Variants in PKNOX2 observed in about 807,000 individuals in gnomAD.
The protein encoded by PKNOX2 is PBX/knotted 1 homeobox 2.
In PKNOX2, 14 loss-of-function variants were observed where a neutral mutation model predicts 53.1. That is an observed-to-expected ratio of 0.26 (90% CI 0.17 to 0.41). PKNOX2 has a LOEUF of 0.41. Among genes scored for constraint, PKNOX2 ranks in the 10% least tolerant of loss-of-function variants. PKNOX2 has a pLI of 1.00. For synonymous variants in PKNOX2, 257 were observed against 242.8 expected (o/e 1.06, Z -0.54); for missense variants, 496 against 602.8 (o/e 0.82, Z 1.85).
At chr11:125,245,265 G>A (rs568768679) in intron 2 of PKNOX2, among the ~76,000 whole-genome samples, 1 of 152,312 alleles carries the variant, frequency 6.6e-6, no homozygotes, top group Admixed American at 6.5e-5. Flanking sequence ...AGTCTAGGAG[G>A]CATCAGAGAA....
At chr11:125,397,762 A>C (rs1398921546) in intron 6 of PKNOX2, 112 bp from the exon 7 acceptor site, 1 of 1,102,914 alleles carries the variant, frequency 9.1e-7, no homozygotes, top group Non-Finnish European at 1.3e-6. Flanking sequence ...AGGAAGCATG[A>C]GCTACGGCAG....
Position 125,282,503 on chromosome 11 carries a change from G to C in PKNOX2, c.-130+47388G>C, listed in dbSNP as rs562126320. 1.9e-3 allele frequency among the ~76,000 whole-genome samples: 292 copies of C among 152,304 alleles called. 7 individuals carry two copies. Among genetic ancestry groups the C allele is most frequent in the Admixed American group, 0.019 (291 of 15,306 alleles). ...CAGATTGCTGGGCCCTCCCTCTGGGGTTTCTGATTCAATAGGTCTGAAACA... is the reference window on the plus strand; with the variant it reads ...CAGATTGCTGGGCCCTCCCTCTGGGCTTTCTGATTCAATAGGTCTGAAACA... On this transcript the variant is annotated intron_variant, in intron 2 of 12. Transcript: ENST00000298282.
At chr11:125,197,366 C>T (rs1937842398) in intron 1 of PKNOX2, among the ~76,000 whole-genome samples, 1 of 152,182 alleles carries the variant, frequency 6.6e-6, no homozygotes, top group African/African-American at 2.4e-5. Context: ...CCGGGACTGC[C>T]CACCCAGGTC....
At chr11:125,264,094 GC>G (rs893948232) in intron 2 of PKNOX2, among the ~76,000 whole-genome samples, 1 of 152,184 alleles carries the variant, frequency 6.6e-6, no homozygotes, top group African/African-American at 2.4e-5. Flanking sequence ...CTGAATCTGA[GC>G]AAGTTGGTGC....
At chr11:125,276,028 C>T (rs962014796) in intron 2 of PKNOX2, among the ~76,000 whole-genome samples, 2 of 152,042 alleles carry the variant, frequency 1.3e-5, no homozygotes, top group Non-Finnish European at 2.9e-5. Context: ...GGAGTGCTTG[C>T]GAAATACGGG....
intron 2 of PKNOX2, among the ~76,000 whole-genome samples, chr11:125,291,517 T>C (rs1252218935): frequency 1.3e-5 from 2 of 152,172 alleles, no homozygotes; most frequent in East Asian, 1.9e-4. Context: ...TTCCTCCAAA[T>C]TGAAACATAG....
intron 5 of PKNOX2, 81 bp from the exon 6 acceptor site, chr11:125,385,470 G>C: frequency 6.8e-7 from 1 of 1,462,648 alleles, no homozygotes; most frequent in Non-Finnish European, 9.1e-7. Flanking sequence ...AACGTGGGCA[G>C]GGGAGCCTGG....
chr11:125,354,219 A>G (rs1355569539), intron 4 of PKNOX2, among the ~76,000 whole-genome samples: 1 of 152,204 alleles, frequency 6.6e-6, no homozygotes, highest in Admixed American at 6.5e-5. Context: ...CATATCCCCA[A>G]GAACCAGCCG....
rs1471941397 is a variant in PKNOX2 at position 125,351,300 on chromosome 11, A to C, written c.-6A>C. On this transcript the variant is annotated 5_prime_UTR_variant, in exon 4 of 13. Transcript: ENST00000298282. ...TGCCCACAGGTCCTCCATGTGAATC[A>C]ATCCCATGATGCAACATGCCTCCCC... 1.3e-6 allele frequency: 2 copies of C among 1,592,456 alleles called. No homozygotes were observed. Among genetic ancestry groups the C allele is most frequent in the South Asian group, 2.2e-5 (2 of 89,400 alleles).
intron 3 of PKNOX2, among the ~76,000 whole-genome samples, chr11:125,349,142 G>A (rs1458552240): frequency 6.6e-6 from 1 of 152,130 alleles, no homozygotes; most frequent in Non-Finnish European, 1.5e-5. Context: ...TTTTGTCAGG[G>A]TCCAAAAAAG....
At chr11:125,281,814 T>G (rs1946577429) in intron 2 of PKNOX2, among the ~76,000 whole-genome samples, 1 of 152,204 alleles carries the variant, frequency 6.6e-6, no homozygotes, top group Non-Finnish European at 1.5e-5. Context: ...TCTTGAACTC[T>G]TAAGAAAAGC....
At chr11:125,283,279 A>T (rs1946690261) in intron 2 of PKNOX2, among the ~76,000 whole-genome samples, 1 of 152,228 alleles carries the variant, frequency 6.6e-6, no homozygotes, top group Non-Finnish European at 1.5e-5. Flanking sequence ...GTGAAGGCAT[A>T]ACTATTAAAC....
At chr11:125,208,445 CTT>C (rs1477602065) in intron 1 of PKNOX2, among the ~76,000 whole-genome samples, 1 of 152,098 alleles carries the variant, frequency 6.6e-6, no homozygotes, top group Non-Finnish European at 1.5e-5. Context: ...CAAGAGAAGA[CTT>C]TGCACTAGAA....
intron 2 of PKNOX2, among the ~76,000 whole-genome samples, chr11:125,284,276 G>A (rs1187180335): frequency 1.3e-5 from 2 of 152,164 alleles, no homozygotes; most frequent in Non-Finnish European, 2.9e-5. Context: ...GTCCCACTAG[G>A]GCAGTAGGAG....
chr11:125,195,500 C>T (rs976154327), intron 1 of PKNOX2, among the ~76,000 whole-genome samples: 5 of 151,954 alleles, frequency 3.3e-5, no homozygotes, highest in South Asian at 2.1e-4. Flanking sequence ...GTCTTGGGGA[C>T]GGTCGAGGGT....
intron 2 of PKNOX2, among the ~76,000 whole-genome samples, chr11:125,309,354 C>G (rs1948666136): frequency 6.6e-6 from 1 of 151,614 alleles, no homozygotes; most frequent in Admixed American, 6.6e-5. Flanking sequence ...TCTCCCTCAC[C>G]CATACAGTTT....
intron 2 of PKNOX2, chr11:125,258,636 T>C (rs1473577931): frequency 1.2e-5 from 2 of 168,636 alleles, no homozygotes; most frequent in East Asian, 1.8e-4. Context: ...TATATTTTCA[T>C]GTTCATTTTA....
chr11:125,337,920 T>C (rs1373826357), intron 3 of PKNOX2, among the ~76,000 whole-genome samples: 1 of 152,202 alleles, frequency 6.6e-6, no homozygotes, highest in Admixed American at 6.5e-5. Context: ...TCATGATGAC[T>C]CAGGACCCTT....
chr11:125,196,089 G>A (rs1195560603), intron 1 of PKNOX2, among the ~76,000 whole-genome samples: 1 of 152,124 alleles, frequency 6.6e-6, no homozygotes, highest in African/African-American at 2.4e-5. Context: ...CATTGGGCAT[G>A]GGGATCTGTG....
Sources: allele counts gnomAD v4.1 joint callset (sites outside exome capture counted in the v4.1 genomes callset), GRCh38; gene constraint gnomAD v4.1.1; transcripts MANE v1.5; gene names NCBI Gene and HGNC (gene_info 2026-07-23, HGNC 2026-07-21).